NTRK3: variants seen among roughly 807,000 people sequenced by gnomAD.
NTRK3 encodes neurotrophic receptor tyrosine kinase 3.
NTRK3 carries 24 observed loss-of-function variants against 91.7 expected under a neutral mutation model. The observed-to-expected ratio is 0.26, with a 90% CI of 0.19 to 0.37. NTRK3 has a LOEUF of 0.37. Among genes scored for constraint, NTRK3 ranks in the 10% least tolerant of loss-of-function variants. NTRK3 has a pLI of 1.00. For missense variants in NTRK3, 880 were observed against 1,068.9 expected (o/e 0.82, Z 2.46); for synonymous variants, 483 against 404.0 (o/e 1.20, Z -2.34).
chr15:88,156,876 A>G (rs1354305352), intron 5 of NTRK3, among the ~76,000 whole-genome samples: 4 of 152,148 alleles, frequency 2.6e-5, no homozygotes, highest in African/African-American at 9.7e-5. Context: ...GGAAAGTTCA[A>G]CGGAAGACCC....
chr15:88,001,951 C>A (rs879741951), intron 14 of NTRK3, among the ~76,000 whole-genome samples: 3 of 152,040 alleles, frequency 2.0e-5, no homozygotes, highest in Non-Finnish European at 4.4e-5. Flanking sequence ...AATATTAATT[C>A]TTCCAATCAA....
At chr15:87,914,506 T>C (rs2067311948) in intron 17 of NTRK3, among the ~76,000 whole-genome samples, 1 of 152,234 alleles carries the variant, frequency 6.6e-6, no homozygotes, top group Non-Finnish European at 1.5e-5. Context: ...GACATTACTC[T>C]TTTCCCATTA....
chr15:88,070,384 C>T (rs569853042), intron 13 of NTRK3, among the ~76,000 whole-genome samples: 1 of 152,064 alleles, frequency 6.6e-6, no homozygotes, highest in South Asian at 2.1e-4. Flanking sequence ...GGGCGGGCTA[C>T]CCACAGAGAG....
chr15:88,183,052 C>T (rs1344306131), intron 5 of NTRK3, among the ~76,000 whole-genome samples: 1 of 143,452 alleles, frequency 7.0e-6, no homozygotes, highest in Non-Finnish European at 1.5e-5. Flanking sequence ...CACATACACA[C>T]TCTTATGGGC....
At chr15:88,145,565 T>C (rs1355691667) in intron 6 of NTRK3, among the ~76,000 whole-genome samples, 1 of 152,188 alleles carries the variant, frequency 6.6e-6, no homozygotes, top group Non-Finnish European at 1.5e-5. Context: ...TCTTTAAATA[T>C]ATATCCACGG....
At chr15:88,008,929 C>A (rs1005576619) in intron 14 of NTRK3, among the ~76,000 whole-genome samples, 1 of 152,182 alleles carries the variant, frequency 6.6e-6, no homozygotes, top group Admixed American at 6.5e-5. Context: ...CAGACCAGCC[C>A]CCCTCGGGCC....
intron 3 of NTRK3, among the ~76,000 whole-genome samples, chr15:88,251,886 G>A (rs984963978): frequency 6.6e-6 from 1 of 152,176 alleles, no homozygotes; most frequent in Admixed American, 6.5e-5. Context: ...GCCAGGTTGG[G>A]CTGGTTTTTG....
At chr15:87,896,099 C>G (rs371105620) in intron 17 of NTRK3, among the ~76,000 whole-genome samples, 5 of 152,286 alleles carry the variant, frequency 3.3e-5, no homozygotes, top group African/African-American at 9.6e-5. Context: ...CCACATTGGG[C>G]ACATGTTCTC....
intron 13 of NTRK3, among the ~76,000 whole-genome samples, chr15:88,061,066 T>A (rs1304782381): frequency 6.6e-6 from 1 of 152,174 alleles, no homozygotes; most frequent in Non-Finnish European, 1.5e-5. Context: ...CATTGATTTT[T>A]ATGTTGAAAT....
At chr15:87,868,760 C>A (rs897922880) in exon 19 of NTRK3, 3 of 223,134 alleles carry the variant, frequency 1.3e-5, no homozygotes, top group Non-Finnish European at 2.7e-5. Context: ...CATTCTGGAG[C>A]CAACCACTCC....
At chr15:87,903,379 T>C (rs2066568042) in intron 17 of NTRK3, among the ~76,000 whole-genome samples, 1 of 152,212 alleles carries the variant, frequency 6.6e-6, no homozygotes, top group South Asian at 2.1e-4. Flanking sequence ...TGAGTGGTCC[T>C]GGATGGCACA....
intron 13 of NTRK3, among the ~76,000 whole-genome samples, chr15:88,051,445 T>G (rs772860634): frequency 6.6e-6 from 1 of 152,210 alleles, no homozygotes; most frequent in Non-Finnish European, 1.5e-5. Context: ...GGAAGGAAGT[T>G]GTTGTGACTC....
chr15:88,243,840 C>A lies in NTRK3; in HGVS notation c.248+12066G>T, dbSNP rs1004200377. Among the ~76,000 whole-genome samples, 2 of 152,188 alleles carry A rather than the reference C, an allele frequency of 1.3e-5. No individual in the cohort carries two copies. Among genetic ancestry groups the A allele is most frequent in the Admixed American group, 1.3e-4 (2 of 15,286 alleles). On this transcript the variant is annotated intron_variant, in intron 3 of 18. Coordinates refer to ENST00000394480, the Ensembl canonical transcript of NTRK3. This position sits in a 1 kb window ranked among gnomAD's most constrained non-coding sequence, Gnocchi z 4.8. ...ACTTAGTCAGTTGCCCATGTGGTTT[C>A]TCCAGTTGTGACTTCGTACTGTGGG...
At chr15:88,141,975 C>T (rs1049367897) in intron 6 of NTRK3, among the ~76,000 whole-genome samples, 1 of 152,208 alleles carries the variant, frequency 6.6e-6, no homozygotes, top group Non-Finnish European at 1.5e-5. Context: ...GTGGGGTATT[C>T]CCCCCATCCT....
chr15:87,906,962 G>C (rs958947106), intron 17 of NTRK3, among the ~76,000 whole-genome samples: 4 of 152,110 alleles, frequency 2.6e-5, no homozygotes, highest in Non-Finnish European at 5.9e-5. Flanking sequence ...CAATAACTCA[G>C]GATACATGGA....
intron 5 of NTRK3, among the ~76,000 whole-genome samples, chr15:88,152,171 G>T (rs1597626732): frequency 6.6e-6 from 1 of 152,108 alleles, no homozygotes; most frequent in East Asian, 1.9e-4. Context: ...TGTGGTGGTG[G>T]GCGCCTGTAA....
In NTRK3 at chr15:87,877,453, C is replaced by T. The variant is rs115110203; in HGVS notation, c.2293-333G>A. On this transcript the variant is annotated intron_variant, in intron 18 of 18. Coordinates refer to ENST00000394480, the Ensembl canonical transcript of NTRK3. ...CCTGAATCTCATCAGGATGACTGAGCTGCATTCATTTTTCACTTGATAGTG... is the reference window on the plus strand; with the variant it reads ...CCTGAATCTCATCAGGATGACTGAGTTGCATTCATTTTTCACTTGATAGTG... Among the ~76,000 whole-genome samples the T allele has an allele frequency of 2.8e-3, 420 of 152,260 alleles. 2 individuals carry two copies. The highest frequency in any genetic ancestry group is 9.6e-3 in the African/African-American group (399 of 41,538).
chr15:88,119,973 C>G (rs922345410), intron 13 of NTRK3, among the ~76,000 whole-genome samples: 1 of 152,202 alleles, frequency 6.6e-6, no homozygotes, highest in African/African-American at 2.4e-5. Context: ...GCACACATGG[C>G]TAAGACATAG....
rs2059588 is a variant in NTRK3 at position 88,135,449 on chromosome 15, T to C, written c.908-52A>G. 795,291 of 1,585,270 alleles carry C rather than the reference T, an allele frequency of 0.5. 203,512 individuals carry two copies. The highest frequency in any genetic ancestry group is 0.75 in the African/African-American group (55,886 of 74,468). ...CCAGGACACAGAGTCTACCACCTCCTGCAGTAGCCTTCCAGCAACTAAAAT... is the reference window on the plus strand; with the variant it reads ...CCAGGACACAGAGTCTACCACCTCCCGCAGTAGCCTTCCAGCAACTAAAAT... On this transcript the variant is annotated intron_variant, in intron 9 of 18. Transcript: ENST00000394480.
Sources: allele counts gnomAD v4.1 joint callset (sites outside exome capture counted in the v4.1 genomes callset), GRCh38; gene constraint gnomAD v4.1.1; non-coding constraint Gnocchi (gnomAD v3.1); transcripts MANE v1.5; gene names NCBI Gene and HGNC (gene_info 2026-07-23, HGNC 2026-07-21).